The following MAOB variants were observed in gnomAD, a reference collection of about 807,000 sequenced individuals.
MAOB encodes the protein monoamine oxidase B, also known as amine oxidase [flavin-containing] B.
A neutral mutation model predicts 41.9 loss-of-function variants in MAOB; 15 were observed. The observed-to-expected ratio is 0.36, with a 90% CI of 0.24 to 0.55. The LOEUF is 0.55. Among genes scored for constraint, MAOB ranks in the 20% least tolerant of loss-of-function variants. The pLI is 0.86. For missense variants in MAOB, 345 were observed against 398.7 expected (o/e 0.87, Z 1.15); for synonymous variants, 167 against 144.2 (o/e 1.16, Z -1.13).
rs766994984 is a variant in MAOB, at chrX:43,797,266, T to A, written c.477A>T (p.Glu159Asp). The A allele has an allele frequency of 1.7e-6, 2 of 1,178,233 alleles. No homozygotes were observed. The highest frequency in any genetic ancestry group is 3.5e-5 in the African/African-American group (2 of 56,386). ...AGAGAGTGGCAAGCTGCTTTGCAGATCTGCACAGGAAGAAACAAGAGCAAA... is the reference window on the plus strand; with the variant it reads ...AGAGAGTGGCAAGCTGCTTTGCAGAACTGCACAGGAAGAAACAAGAGCAAA... The part of the protein sequence containing the change: ...KELLDKLCWT[E>D]SAKQLATLFV... Residue 159 changes from glutamate to aspartate, a missense_variant and splice_region_variant, in exon 6 of 15, where the codon GAA (glutamate) becomes GAT (aspartate). By Grantham distance (45) the Glu-to-Asp change is conservative (BLOSUM62 2). Coordinates refer to ENST00000378069, the MANE Select transcript of MAOB (RefSeq NM_000898.5).
intron 3 of MAOB, chrX:43,837,736 T>C: frequency 3.9e-6 from 1 of 254,132 alleles, no homozygotes; most frequent in Non-Finnish European, 7.6e-6. Flanking sequence ...GGGGATGTTT[T>C]CTACCAGTGA....
At chrX:43,839,727 A>G (rs769898821) in intron 2 of MAOB, among the ~76,000 whole-genome samples, 10 of 112,077 alleles carry the variant, frequency 8.9e-5, no homozygotes, top group African/African-American at 2.6e-4. Flanking sequence ...TTTACTCACT[A>G]AAGTATTCCA....
intron 8 of MAOB, among the ~76,000 whole-genome samples, chrX:43,790,819 G>A (rs1198087342): frequency 1.8e-5 from 2 of 111,495 alleles, no homozygotes; most frequent in Non-Finnish European, 3.8e-5. Flanking sequence ...GAGGGGTGGA[G>A]GTCTTGGGTT....
intron 3 of MAOB, among the ~76,000 whole-genome samples, chrX:43,812,700 G>C (rs892144132): frequency 6.2e-5 from 7 of 112,224 alleles, no homozygotes; most frequent in African/African-American, 9.7e-5. Context: ...TTTTCTTATA[G>C]AATTGCTTGC....
chrX:43,857,125 AGAGAGAG>A (rs2035299795), intron 1 of MAOB, among the ~76,000 whole-genome samples: 1 of 11,816 alleles, frequency 8.5e-5, no homozygotes, highest in East Asian at 3.5e-3. Context: ...ATAGAGAGAG[AGAGAGAG>A]AGAGAGAGAG....
At position 43,769,336 on chromosome X, in the gene MAOB, C is replaced by T; in HGVS notation, c.1318G>A (p.Val440Ile). The part of the protein sequence containing the change: ...THWSGYMEGA[V>I]EAGERAAREI... ...CGGGCTGCTCTCTCCCCGGCCTCTA[C>T]AGCCCCCTCCATGTAGCCGCTCCAG... is the stretch of plus-strand genomic sequence containing the variant. The change falls in exon 13 of 15, where the codon GTA becomes ATA. Residue 440 changes from valine to isoleucine, a missense_variant. Val to Ile is a conservative substitution (Grantham distance 29). Transcript: ENST00000378069. The T allele has an allele frequency of 8.3e-7, 1 of 1,209,495 alleles. No homozygotes were observed. Among genetic ancestry groups the T allele is most frequent in the Non-Finnish European group, 1.1e-6 (1 of 894,774 alleles).
chrX:43,814,558 T>C (rs933423150), intron 3 of MAOB, among the ~76,000 whole-genome samples: 13 of 112,396 alleles, frequency 1.2e-4, no homozygotes, highest in Admixed American at 6.6e-4. Flanking sequence ...CCATGTTATC[T>C]TGATAGTACT....
At chrX:43,841,803 T>C (rs1314497700) in intron 2 of MAOB, among the ~76,000 whole-genome samples, 5 of 111,403 alleles carry the variant, frequency 4.5e-5, no homozygotes. Context: ...GAACACACAA[T>C]GGGGAAAGGA....
chrX:43,881,199 C>A (rs1270007997), intron 1 of MAOB, among the ~76,000 whole-genome samples: 3 of 113,174 alleles, frequency 2.7e-5, no homozygotes, highest in Middle Eastern at 4.6e-3. Flanking sequence ...ACATCCAATG[C>A]CTTGGTTTTT....
chrX:43,860,869 G>C (rs1486627303), intron 1 of MAOB, among the ~76,000 whole-genome samples: 1 of 111,030 alleles, frequency 9.0e-6, no homozygotes, highest in African/African-American at 3.3e-5. Flanking sequence ...CCACCATAGG[G>C]GATTTACAGT....
chrX:43,832,164 G>T (rs768364370), intron 3 of MAOB, among the ~76,000 whole-genome samples: 1 of 111,647 alleles, frequency 9.0e-6, no homozygotes, highest in East Asian at 2.8e-4. Context: ...CATGTAGCCA[G>T]CAAACAGGTG....
chrX:43,868,398 T>C (rs1393739108), intron 1 of MAOB, among the ~76,000 whole-genome samples: 1 of 111,994 alleles, frequency 8.9e-6, no homozygotes, highest in African/African-American at 3.2e-5. Flanking sequence ...CTCAATACTG[T>C]GGACTGGCCA....
intron 3 of MAOB, among the ~76,000 whole-genome samples, chrX:43,804,293 A>AATTGTGG (rs2034634846): frequency 9.0e-6 from 1 of 111,324 alleles, no homozygotes. Flanking sequence ...GAGAAACTAG[A>AATTGTGG]ATTGTGGAAT....
At chrX:43,806,639 T>A (rs149284405) in intron 3 of MAOB, among the ~76,000 whole-genome samples, 17 of 111,417 alleles carry the variant, frequency 1.5e-4, no homozygotes, top group East Asian at 1.4e-3. Flanking sequence ...GTCATTAAGT[T>A]CAGATCATCC....
At chrX:43,843,787 A>G in intron 1 of MAOB, 23 bp from the exon 2 acceptor site, 1 of 1,206,608 alleles carries the variant, frequency 8.3e-7, no homozygotes. Context: ...ACAGTAAGAC[A>G]TCAGGATCAA....
At chrX:43,799,658 A>C (rs767048474) in intron 5 of MAOB, among the ~76,000 whole-genome samples, 1 of 111,714 alleles carries the variant, frequency 9.0e-6, no homozygotes, top group South Asian at 3.7e-4. Context: ...TGAAGGATGG[A>C]AGGTCAAGGA....
At chrX:43,856,355 A>G (rs1418757398) in intron 1 of MAOB, among the ~76,000 whole-genome samples, 1 of 112,730 alleles carries the variant, frequency 8.9e-6, no homozygotes, top group Non-Finnish European at 1.9e-5. Context: ...AAGTGCTGGG[A>G]TTACAGGCAT....
chrX:43,767,747 C>T, intron 14 of MAOB, 129 bp from the exon 15 acceptor site: 1 of 555,198 alleles, frequency 1.8e-6, no homozygotes, highest in East Asian at 3.7e-5. Flanking sequence ...ACGATGTTCC[C>T]TCTGCTTATA....
At chrX:43,768,594 C>A in intron 14 of MAOB, 60 bp downstream of exon 14, 1 of 989,946 alleles carries the variant, frequency 1.0e-6, no homozygotes, top group Admixed American at 2.2e-5. Context: ...GTGTGCTCTT[C>A]TTGAAAATAA....
Sources: allele counts gnomAD v4.1 joint callset (sites outside exome capture counted in the v4.1 genomes callset), GRCh38; gene constraint gnomAD v4.1.1; transcripts MANE v1.5; gene names NCBI Gene and HGNC (gene_info 2026-07-23, HGNC 2026-07-21).